Variants in SLC10A7 observed in about 807,000 individuals in gnomAD.
SLC10A7 encodes the protein sodium/bile acid cotransporter 7.
SLC10A7 carries 29 observed loss-of-function variants against 43.2 expected under a neutral mutation model. That is an observed-to-expected ratio of 0.67 (90% confidence interval 0.50 to 0.92). The LOEUF is 0.92. Ranked by LOEUF, SLC10A7 falls within the 40% of genes least tolerant of loss-of-function variation. The probability of loss-of-function intolerance (pLI) is 0.00; values close to 1 mark genes in which losing one functional copy is unlikely to be tolerated. For synonymous variants in SLC10A7, 152 were observed against 144.8 expected, an observed-to-expected ratio of 1.05 and a Z score of -0.35; for missense variants, 295 against 403.2, an observed-to-expected ratio of 0.73 and a Z score of 2.30.
At chr4:146,314,055 T>G (rs758616334) in intron 6 of SLC10A7, among the ~76,000 whole-genome samples, 1 of 152,266 alleles carries the variant, frequency 6.6e-6, no homozygotes, top group Non-Finnish European at 1.5e-5. Flanking sequence ...GGAAGGGGCA[T>G]TCAAGGGGAG....
chr4:146,394,523 C>T (rs900066465), intron 5 of SLC10A7, among the ~76,000 whole-genome samples: 6 of 151,910 alleles, frequency 3.9e-5, no homozygotes, highest in African/African-American at 1.5e-4. Context: ...CCATTACACC[C>T]GGCTAATTTT....
rs1466566783 is a variant in SLC10A7 at position 146,286,653 on chromosome 4, TGTCTGGAGTGGTGAGAAGGACC to T, written c.774-3410_774-3389del. On this transcript the variant is annotated intron_variant, in intron 9 of 11. Coordinates refer to ENST00000335472, the MANE Select transcript of SLC10A7 (RefSeq NM_001029998.6). ...GTGTCTGGAGTGGTGAGAAGGACCG[TGTCTGGAGTGGTGAGAAGGACC>T]GTGTCTGGAGTGGTGAGGAGGACTG... Among the ~76,000 whole-genome samples the T allele has an allele frequency of 7.3e-5, 10 of 137,708 alleles. 1 individual carries two copies. In the East Asian group the frequency reaches 9.2e-4, roughly 13 times the overall value. The allele number at this position is 137,708 out of a possible 152,430, so 90.3% of individuals were successfully genotyped here.
intron 5 of SLC10A7, among the ~76,000 whole-genome samples, chr4:146,385,486 T>C (rs1022121666): frequency 2.6e-5 from 4 of 152,192 alleles, no homozygotes; most frequent in African/African-American, 9.6e-5. Context: ...TTTCATGTCA[T>C]ATGTTTCGCT....
At chr4:146,305,445 G>A in intron 7 of SLC10A7, among the ~76,000 whole-genome samples, 1 of 123,056 alleles carries the variant, frequency 8.1e-6, no homozygotes, top group South Asian at 3.2e-4. Flanking sequence ...GGAGGGGGAG[G>A]GATAGCATTG....
chr4:146,403,803 ACT>A (rs1466854765), intron 5 of SLC10A7, among the ~76,000 whole-genome samples: 4 of 152,004 alleles, frequency 2.6e-5, no homozygotes, highest in African/African-American at 9.7e-5. Context: ...GAAAATCCAA[ACT>A]CTTTGAGTCC....
At chr4:146,312,957 A>G (rs1732079232) in intron 6 of SLC10A7, among the ~76,000 whole-genome samples, 1 of 152,172 alleles carries the variant, frequency 6.6e-6, no homozygotes, top group South Asian at 2.1e-4. Flanking sequence ...AGAGATACTC[A>G]GAGGCCTCTA....
intron 5 of SLC10A7, among the ~76,000 whole-genome samples, chr4:146,406,964 CAG>C (rs1227821076): frequency 6.6e-6 from 1 of 152,120 alleles, no homozygotes; most frequent in Non-Finnish European, 1.5e-5. Context: ...GCCTGGGCAA[CAG>C]AGTGAGACTA....
intron 6 of SLC10A7, among the ~76,000 whole-genome samples, chr4:146,323,954 TGA>T (rs1285233853): frequency 6.6e-6 from 1 of 152,208 alleles, no homozygotes; most frequent in Admixed American, 6.5e-5. Flanking sequence ...CTCCTTAAGC[TGA>T]TAAGCAACTT....
At chr4:146,363,351 C>T (rs1259899560) in intron 5 of SLC10A7, among the ~76,000 whole-genome samples, 5 of 152,090 alleles carry the variant, frequency 3.3e-5, no homozygotes, top group African/African-American at 1.2e-4. Flanking sequence ...ATGCAGCATC[C>T]AGTTATATTA....
At chr4:146,407,553 T>A (rs924326343) in intron 5 of SLC10A7, among the ~76,000 whole-genome samples, 1 of 152,206 alleles carries the variant, frequency 6.6e-6, no homozygotes, top group African/African-American at 2.4e-5. Context: ...AGAAGTTTCA[T>A]TATTAAAGGG....
At chr4:146,485,247 C>T (rs10018860) in intron 4 of SLC10A7, among the ~76,000 whole-genome samples, 119,803 of 152,180 alleles carry the variant, frequency 0.79, 47,501 homozygotes, top group East Asian at 0.95. Context: ...GTTAGAGATA[C>T]AGCTGCTGTC....
At chr4:146,491,849 G>A (rs1479271232) in intron 4 of SLC10A7, among the ~76,000 whole-genome samples, 1 of 152,164 alleles carries the variant, frequency 6.6e-6, no homozygotes, top group African/African-American at 2.4e-5. Flanking sequence ...TTTGGATCCA[G>A]GTGTTCTTGG....
intron 5 of SLC10A7, among the ~76,000 whole-genome samples, chr4:146,413,526 C>T (rs966989707): frequency 9.2e-5 from 14 of 152,266 alleles, no homozygotes; most frequent in African/African-American, 3.4e-4. Flanking sequence ...CTAGCTGCTT[C>T]TTCACTACAG....
At chr4:146,478,238 T>G (rs1179155352) in intron 4 of SLC10A7, 1 of 152,236 alleles carries the variant, frequency 6.6e-6, no homozygotes, top group Non-Finnish European at 1.5e-5. Context: ...ATCTGGCTAC[T>G]TTGTTGTTTT....
At chr4:146,381,678 T>G (rs2679125) in intron 5 of SLC10A7, among the ~76,000 whole-genome samples, 7 of 151,728 alleles carry the variant, frequency 4.6e-5, no homozygotes, top group African/African-American at 1.7e-4. Flanking sequence ...GGAGGCAAGT[T>G]CTTCTTTTCC....
In SLC10A7 at chr4:146,521,673, T is replaced by A. The variant is rs573886041; in HGVS notation, c.45A>T (p.Gly15=). 2.5e-6 allele frequency: 4 copies of A among 1,614,170 alleles called. No individual in the cohort carries two copies. In the South Asian group the frequency reaches 4.4e-5, roughly 18 times the overall value. ...TAGCTCCAGCGATCGCCAGCACTAT[T>A]CCGACCATGAACCAGTCTTTCCTCA... ...ERMRKDWFMV[G]IVLAIAGAKL... is the part of the protein sequence containing the mutation. The change falls in exon 1 of 12, where the codon GGA becomes GGT. Residue 15 remains glycine (G), a synonymous_variant. Transcript: ENST00000335472.
intron 4 of SLC10A7, among the ~76,000 whole-genome samples, chr4:146,488,834 C>G (rs1341123185): frequency 6.6e-6 from 1 of 152,178 alleles, no homozygotes; most frequent in Non-Finnish European, 1.5e-5. Flanking sequence ...TAACACAGAA[C>G]AAAGTTTACC....
At chr4:146,480,514 C>T (rs1240357155) in intron 4 of SLC10A7, among the ~76,000 whole-genome samples, 3 of 152,140 alleles carry the variant, frequency 2.0e-5, no homozygotes, top group Non-Finnish European at 4.4e-5. Flanking sequence ...TTGTCATTAG[C>T]AGGCATCTCA....
At chr4:146,341,921 A>G (rs1042290629) in intron 5 of SLC10A7, among the ~76,000 whole-genome samples, 1 of 151,842 alleles carries the variant, frequency 6.6e-6, no homozygotes, top group African/African-American at 2.4e-5. Context: ...GAATCTCATT[A>G]GAAAATTTTT....
Sources: allele counts gnomAD v4.1 joint callset (sites outside exome capture counted in the v4.1 genomes callset), GRCh38; gene constraint gnomAD v4.1.1; transcripts MANE v1.5; gene names NCBI Gene and HGNC (gene_info 2026-07-23, HGNC 2026-07-21).